PPP3CC: variants seen among roughly 807,000 people sequenced by gnomAD.
The protein encoded by PPP3CC is serine/threonine-protein phosphatase 2B catalytic subunit gamma isoform.
PPP3CC carries 35 observed loss-of-function variants against 60.3 expected under a neutral mutation model. The observed-to-expected ratio is 0.58, with a 90% confidence interval of 0.44 to 0.77. The LOEUF is 0.77. PPP3CC is among the 30% of genes least tolerant of loss of function. The pLI, the probability that PPP3CC is intolerant of heterozygous loss-of-function variation, is 0.00. For synonymous variants in PPP3CC, 206 were observed against 224.3 expected, an observed-to-expected ratio of 0.92 and a Z score of 0.73; for missense variants, 570 against 628.9, an observed-to-expected ratio of 0.91 and a Z score of 1.00.
At chr8:22,505,254 T>C (rs1838879678) in intron 4 of PPP3CC, among the ~76,000 whole-genome samples, 1 of 152,036 alleles carries the variant, frequency 6.6e-6, no homozygotes, top group Non-Finnish European at 1.5e-5. Context: ...CTCAAACTCC[T>C]GACCTCGTGA....
intron 4 of PPP3CC, among the ~76,000 whole-genome samples, chr8:22,500,008 G>C (rs1838716725): frequency 6.6e-6 from 1 of 152,190 alleles, no homozygotes; most frequent in Non-Finnish European, 1.5e-5. Context: ...GTTGCTCATA[G>C]AAGTTGCTTA....
rs1326123364 is a variant in PPP3CC, at chr8:22,492,949, CT to C, written c.373-5051del. ...AACCAGCTTGGTGCACACTGTCTGA[CT>C]AGTTTAAGGAGACTGGCTGAAGCTC... On this transcript the variant is annotated intron_variant, in intron 3 of 13. Transcript: ENST00000240139. 5.0e-5 allele frequency: 63 copies of C among 1,255,188 alleles called. No individual in the cohort carries two copies. In the Admixed American group the frequency reaches 1.1e-3, roughly 21 times the overall value. 77.8% of individuals were successfully genotyped at this position (1,255,188 alleles called of 1,614,324 possible).
chr8:22,482,318 C>T (rs183969624), intron 3 of PPP3CC, among the ~76,000 whole-genome samples: 203 of 152,104 alleles, frequency 1.3e-3, no homozygotes, highest in African/African-American at 4.4e-3. Context: ...ATTTGTTGGC[C>T]GCATAAATGT....
chr8:22,445,835 A>T (rs1836804232), intron 1 of PPP3CC, among the ~76,000 whole-genome samples: 1 of 152,238 alleles, frequency 6.6e-6, no homozygotes, highest in Non-Finnish European at 1.5e-5. Context: ...TACCATTGTG[A>T]TTAACAAGCT....
At chr8:22,522,896 G>A in intron 8 of PPP3CC, 147 bp downstream of exon 8, 1 of 583,292 alleles carries the variant, frequency 1.7e-6, no homozygotes. Context: ...CAAAGGCCAA[G>A]AAATTTAGAA....
At chr8:22,517,311 A>G (rs1839273890) in intron 6 of PPP3CC, among the ~76,000 whole-genome samples, 1 of 152,238 alleles carries the variant, frequency 6.6e-6, no homozygotes. Flanking sequence ...TTCATCAGAG[A>G]TACTCACCTG....
At chr8:22,496,786 T>C (rs1838600962) in intron 3 of PPP3CC, among the ~76,000 whole-genome samples, 1 of 152,010 alleles carries the variant, frequency 6.6e-6, no homozygotes, top group African/African-American at 2.4e-5. Context: ...TGTAAGCCAT[T>C]GTGCCCGGCT....
intron 4 of PPP3CC, 95 bp downstream of exon 4, chr8:22,498,207 A>G: frequency 1.4e-6 from 1 of 696,824 alleles, no homozygotes; most frequent in Non-Finnish European, 2.3e-6. Context: ...ATAGAATTTA[A>G]ATGCTTCCTG....
At chr8:22,444,273 A>C (rs1484559806) in intron 1 of PPP3CC, among the ~76,000 whole-genome samples, 1 of 152,082 alleles carries the variant, frequency 6.6e-6, no homozygotes, top group Admixed American at 6.6e-5. Context: ...AAAAAAAAAA[A>C]AAAACTCATC....
intron 1 of PPP3CC, among the ~76,000 whole-genome samples, chr8:22,467,132 C>T (rs1837545116): frequency 2.0e-5 from 3 of 152,018 alleles, no homozygotes; most frequent in Admixed American, 1.3e-4. Flanking sequence ...CTAAAAATTG[C>T]AGATTGGCTA....
intron 1 of PPP3CC, among the ~76,000 whole-genome samples, chr8:22,461,590 G>A (rs1363535952): frequency 6.6e-6 from 1 of 152,080 alleles, no homozygotes; most frequent in Non-Finnish European, 1.5e-5. Context: ...TTCCTGCCAT[G>A]GGACTGTTAA....
At chr8:22,469,077 C>G (rs1040896120) in intron 1 of PPP3CC, among the ~76,000 whole-genome samples, 2 of 152,080 alleles carry the variant, frequency 1.3e-5, no homozygotes, top group Non-Finnish European at 2.9e-5. Context: ...GATACAGAAT[C>G]AGCGTTGAGT....
chr8:22,441,387 G>T lies in PPP3CC; in HGVS notation c.-23G>T, dbSNP rs1281691797. ...GGCGCACGTCCGGCGGGCTCCTGGA[G>T]CCTGGAGGAGGCCGAGGGGACCATG... On this transcript the variant is annotated 5_prime_UTR_variant, in exon 1 of 14. Coordinates refer to ENST00000240139, the MANE Select transcript of PPP3CC (RefSeq NM_005605.5). 1.3e-6 allele frequency: 2 copies of T among 1,532,404 alleles called. No individual in the cohort carries two copies. The highest frequency in any genetic ancestry group is 1.8e-6 in the Non-Finnish European group (2 of 1,140,784). 94.9% of individuals were successfully genotyped at this position (1,532,404 alleles called of 1,614,324 possible).
chr8:22,498,437 C>G (rs983167222), intron 4 of PPP3CC, among the ~76,000 whole-genome samples: 1 of 152,086 alleles, frequency 6.6e-6, no homozygotes, highest in Non-Finnish European at 1.5e-5. Flanking sequence ...AAGCAAGATT[C>G]CATCTCAAAA....
Position 22,475,157 on chromosome 8 carries a change from A to G in PPP3CC, c.247+6A>G. ...AGTAGATGCTCCAATCACAGGTATAAAAAGTCTTTGCATGATACTTTTTTA... is the reference window on the plus strand; with the variant it reads ...AGTAGATGCTCCAATCACAGGTATAGAAAGTCTTTGCATGATACTTTTTTA... On this transcript the variant is annotated splice_donor_region_variant and intron_variant, in intron 2 of 13. Transcript: ENST00000240139. 3 of 1,606,080 alleles carry G rather than the reference A, an allele frequency of 1.9e-6. No homozygotes were observed. The highest frequency in any genetic ancestry group is 1.1e-5 in the South Asian group (1 of 89,918).
intron 1 of PPP3CC, among the ~76,000 whole-genome samples, chr8:22,462,797 C>CT (rs1325140545): frequency 6.6e-6 from 1 of 152,124 alleles, no homozygotes. Flanking sequence ...CCTCGATGTT[C>CT]TTTTTCTTAG....
intron 10 of PPP3CC, chr8:22,531,332 T>C: frequency 6.5e-7 from 1 of 1,530,316 alleles, no homozygotes; most frequent in Admixed American, 2.0e-5. Context: ...CAGAAAGGTA[T>C]CCGACTAAAC....
chr8:22,457,679 G>A (rs1220039426), intron 1 of PPP3CC, among the ~76,000 whole-genome samples: 7 of 152,190 alleles, frequency 4.6e-5, no homozygotes, highest in East Asian at 1.9e-4. Flanking sequence ...ATAATCTTCC[G>A]TACTTACAGT....
At chr8:22,477,827 C>T (rs1837939777) in intron 3 of PPP3CC, among the ~76,000 whole-genome samples, 1 of 148,040 alleles carries the variant, frequency 6.8e-6, no homozygotes, top group South Asian at 2.1e-4. Context: ...AATAAAACAA[C>T]TTTTAAAATA....
Sources: allele counts gnomAD v4.1 joint callset (sites outside exome capture counted in the v4.1 genomes callset), GRCh38; gene constraint gnomAD v4.1.1; transcripts MANE v1.5; gene names NCBI Gene and HGNC (gene_info 2026-07-23, HGNC 2026-07-21).